The following RET variants were observed in gnomAD, a reference collection of about 807,000 sequenced individuals.
RET encodes the protein proto-oncogene tyrosine-protein kinase receptor Ret.
A neutral mutation model predicts 118.3 loss-of-function variants in RET; 19 were observed. That is an observed-to-expected ratio of 0.16 (90% CI 0.11 to 0.24). The LOEUF is 0.24. Ranked by LOEUF, RET falls within the 10% of genes least tolerant of loss-of-function variation. The probability of loss-of-function intolerance (pLI) is 1.00; values close to 1 mark genes in which losing one functional copy is unlikely to be tolerated. For missense variants in RET, 1,219 were observed against 1,502.1 expected (o/e 0.81, Z 3.12); for synonymous variants, 597 against 644.1 (o/e 0.93, Z 1.11).
At position 43,119,737 on chromosome 10, in the gene RET, G is replaced by A. The variant is rs758950128; in HGVS notation, c.2599G>A (p.Glu867Lys). The A allele has an allele frequency of 1.2e-6, 2 of 1,613,166 alleles. No homozygotes were observed. Among genetic ancestry groups the A allele is most frequent in the Non-Finnish European group, 1.7e-6 (2 of 1,179,934 alleles). ...CTCACAGGGGATGCAGTATCTGGCC[G>A]AGATGAAGGTGCGTGCATATGGCTC... ...QISQGMQYLA[E>K]MKLVHRDLAA... is the part of the protein sequence containing the mutation. Residue 867 changes from glutamate (E) to lysine (K), a missense_variant, in exon 14 of 20, where the codon GAG becomes AAG. By Grantham distance (56) the Glu-to-Lys change is moderately conservative (BLOSUM62 1). Coordinates refer to ENST00000355710, the MANE Select transcript of RET (RefSeq NM_020975.6).
At position 43,077,087 on chromosome 10, in the gene RET, G is replaced by A; in HGVS notation, c.-172G>A. ...TCGCTTCAGTCCCGCGACCGAAGCA[G>A]GGCGCGCAGCAGCGCTGAGTGCCCC... On this transcript the variant is annotated 5_prime_UTR_variant, in exon 1 of 20. Transcript: ENST00000355710. 1.0e-6 allele frequency: 1 copy of A among 970,898 alleles called. No homozygotes were observed. Among genetic ancestry groups the A allele is most frequent in the Non-Finnish European group, 1.3e-6 (1 of 752,222 alleles). 60.1% of individuals were successfully genotyped at this position (970,898 alleles called of 1,614,324 possible).
intron 1 of RET, among the ~76,000 whole-genome samples, chr10:43,081,264 C>CT (rs1564482503): frequency 6.6e-6 from 1 of 151,970 alleles, no homozygotes; most frequent in African/African-American, 2.4e-5. Context: ...GCTGTGCCCT[C>CT]TATCTCCCCA....
rs578049549 is a variant in RET at position 43,112,771 on chromosome 10, G to A, written c.1649-82G>A. The A allele has an allele frequency of 1.1e-5, 12 of 1,101,978 alleles. No individual in the cohort carries two copies. The Admixed American group carries it at 2.2e-4, about 21-fold the overall frequency. 68.3% of individuals were successfully genotyped at this position (1,101,978 alleles called of 1,614,324 possible). A position where few individuals can be genotyped will look rare whatever the true frequency, so the allele number is the denominator to read the frequency against. On this transcript the variant is annotated intron_variant, in intron 8 of 19. Coordinates refer to ENST00000355710, the MANE Select transcript of RET (RefSeq NM_020975.6). The stretch of plus-strand genomic sequence containing the variant: ...AGGCCTCCAGTTGCTCCTCCCTAGA[G>A]GGGCAGGATCTGCCTAGGAGGTGGT...
chr10:43,126,887 AG>A, intron 19 of RET, 165 bp downstream of exon 19: 1 of 1,447,380 alleles, frequency 6.9e-7, no homozygotes, highest in Non-Finnish European at 9.1e-7. Flanking sequence ...GTTTACATTT[AG>A]GCATTATTGC....
chr10:43,093,164 C>G (rs182612055), intron 1 of RET, among the ~76,000 whole-genome samples: 284 of 152,196 alleles, frequency 1.9e-3, no homozygotes, highest in Non-Finnish European at 3.3e-3. Flanking sequence ...GCCCTGGGAG[C>G]CCTGATGAGG....
In RET at chr10:43,106,225, A is replaced by C; in HGVS notation, c.868-151A>C. ...AGTGACCCCGTGGGAACTTGAACCC[A>C]GGTCAGACTGTCCCCAGACCTGGCT... On this transcript the variant is annotated intron_variant, in intron 4 of 19. Coordinates refer to ENST00000355710, the MANE Select transcript of RET (RefSeq NM_020975.6). The surrounding 1 kb of genome is among the most constrained non-coding windows in gnomAD (Gnocchi z 5.1). 5 of 818,218 alleles carry C rather than the reference A, an allele frequency of 6.1e-6. No individual in the cohort carries two copies. Among genetic ancestry groups the C allele is most frequent in the Non-Finnish European group, 1.0e-5 (5 of 497,068 alleles). 50.7% of individuals were successfully genotyped at this position (818,218 alleles called of 1,614,324 possible).
At chr10:43,112,660 G>A (rs1284870741) in intron 8 of RET, among the ~76,000 whole-genome samples, 193 bp from the exon 9 acceptor site, 4 of 152,190 alleles carry the variant, frequency 2.6e-5, no homozygotes, top group Non-Finnish European at 5.9e-5. Flanking sequence ...CCTGTGTGAG[G>A]AACCCCCCAT....
In RET at chr10:43,126,692, C is replaced by A. The variant is rs754066766; in HGVS notation, c.3157C>A (p.Pro1053Thr). Reference protein sequence around the residue: ...CNNAPLPRALPSTWIENKLYG... With the variant: ...CNNAPLPRALTSTWIENKLYG... ...TAATGCCCCCCTCCCTCGAGCCCTC[C>A]CTTCCACATGGATTGAAAACAAACT... The change falls in exon 19 of 20, where the codon CCT becomes ACT. Residue 1053 changes from proline (P) to threonine (T), a missense_variant. This residue lies in a region of RET where 174 missense variants were observed against 179.3 expected (regional missense o/e 0.97). Coordinates refer to ENST00000355710, the MANE Select transcript of RET (RefSeq NM_020975.6). The A allele has an allele frequency of 6.2e-7, 1 of 1,614,074 alleles. No individual in the cohort carries two copies. The highest frequency in any genetic ancestry group is 8.5e-7 in the Non-Finnish European group (1 of 1,180,012).
intron 8 of RET, 74 bp downstream of exon 8, chr10:43,112,298 C>G: frequency 6.9e-7 from 1 of 1,453,590 alleles, no homozygotes. Context: ...TGGGGCCCTG[C>G]CAGCCTGGGG....
rs1372369730 is a variant in RET, at chr10:43,106,952, C to T, written c.1063+381C>T. ...CCCAAGTGCTTACGGATTATTGCTC[C>T]AGCCTCAGCAGCTCTCTGCTAAACA... On this transcript the variant is annotated intron_variant, in intron 5 of 19. Transcript: ENST00000355710. This position sits in a 1 kb window ranked among gnomAD's most constrained non-coding sequence, Gnocchi z 5.1. Among the ~76,000 whole-genome samples the T allele has an allele frequency of 3.3e-5, 5 of 152,240 alleles. No homozygotes were observed. Among genetic ancestry groups the T allele is most frequent in the African/African-American group, 1.2e-4 (5 of 41,462 alleles).
rs376588907 is a variant in RET, at chr10:43,126,556, G to A, written c.3040-19G>A. ...TTGTGGCACATGGCTTGGAGTGACC[G>A]GCCATCTCTGTCTTCCAGGACTACT... is the stretch of plus-strand genomic sequence containing the variant. On this transcript the variant is annotated intron_variant, in intron 18 of 19. Coordinates refer to ENST00000355710, the MANE Select transcript of RET (RefSeq NM_020975.6). 4.4e-6 allele frequency: 7 copies of A among 1,608,618 alleles called. No homozygotes were observed. The highest frequency in any genetic ancestry group is 3.3e-5 in the Admixed American group (2 of 60,004).
At chr10:43,097,000 T>G (rs961173598) in intron 1 of RET, among the ~76,000 whole-genome samples, 1 of 152,188 alleles carries the variant, frequency 6.6e-6, no homozygotes, top group Admixed American at 6.5e-5. Flanking sequence ...TAAGTGCATT[T>G]AAGTCTGTTT....
chr10:43,078,776 G>C lies in RET; in HGVS notation c.73+1445G>C, dbSNP rs149372553. On this transcript the variant is annotated intron_variant, in intron 1 of 19. Transcript: ENST00000355710. Reference sequence around the variant, plus strand: ...TGTGGGGGCCAGGCTCTGGGGGCCGGCTTGTGGCACTCAGCAGGCATGCAG... The same window carrying C: ...TGTGGGGGCCAGGCTCTGGGGGCCGCCTTGTGGCACTCAGCAGGCATGCAG... Among the ~76,000 whole-genome samples, 1,280 of 152,338 alleles carry C rather than the reference G, an allele frequency of 8.4e-3. 11 individuals are homozygous for C. Among genetic ancestry groups the C allele is most frequent in the Non-Finnish European group, 0.012 (808 of 68,028 alleles).
chr10:43,099,228 G>T (rs1259703968), intron 1 of RET, among the ~76,000 whole-genome samples: 1 of 152,158 alleles, frequency 6.6e-6, no homozygotes, highest in Non-Finnish European at 1.5e-5. Context: ...TACATAGATA[G>T]GCCGGGCACG....
In RET at chr10:43,118,397, G is replaced by A. The variant is rs377767414; in HGVS notation, c.2309G>A (p.Arg770Gln). 2.5e-6 allele frequency: 4 copies of A among 1,614,096 alleles called. No individual in the cohort carries two copies. The highest frequency in any genetic ancestry group is 3.4e-6 in the Non-Finnish European group (4 of 1,179,986). ...LKENASPSEL[R>Q]DLLSEFNVLK... ...GAGAACGCCTCCCCGAGTGAGCTGC[G>A]AGACCTGCTGTCAGAGTTCAACGTC... Residue 770 changes from arginine to glutamine, a missense_variant, in exon 13 of 20, where the codon CGA becomes CAA. By Grantham distance (43) the Arg-to-Gln change is conservative. Transcript: ENST00000355710.
At chr10:43,083,181 G>A (rs904410532) in intron 1 of RET, among the ~76,000 whole-genome samples, 1 of 152,204 alleles carries the variant, frequency 6.6e-6, no homozygotes, top group African/African-American at 2.4e-5. Flanking sequence ...CTGGCTATGG[G>A]ACCCAGCACC....
In RET at chr10:43,112,208, G is replaced by A. The variant is rs1389283047; in HGVS notation, c.1632G>A (p.Arg544=). ...LGSPTGRCEW[R]QGDGKGITRN... ...CCCCAACAGGCAGGTGTGAGTGGAG[G>A]CAAGGAGATGGCAAAGGTAAGCCCT... The change falls in exon 8 of 20, where the codon AGG becomes AGA. Residue 544 remains arginine, a synonymous_variant. Coordinates refer to ENST00000355710, the MANE Select transcript of RET (RefSeq NM_020975.6). 6.4e-7 allele frequency: 1 copy of A among 1,556,216 alleles called. No individual in the cohort carries two copies. The highest frequency in any genetic ancestry group is 8.7e-7 in the Non-Finnish European group (1 of 1,149,342).
intron 16 of RET, among the ~76,000 whole-genome samples, chr10:43,122,840 C>T (rs1479554164): frequency 6.6e-6 from 1 of 152,138 alleles, no homozygotes; most frequent in Non-Finnish European, 1.5e-5. Flanking sequence ...TGAATCCTGA[C>T]CTCAAATGAT....
chr10:43,100,710 C>T lies in RET; in HGVS notation c.325C>T (p.Leu109Phe), dbSNP rs2132665198. ...RSLDHSSWEK[L>F]SVRNRGFPLL... Reference sequence around the variant, plus strand: ...CCTGGACCATAGCTCCTGGGAGAAGCTCAGTGTCCGCAGTAAGGGAGCCGC... The same window carrying T: ...CCTGGACCATAGCTCCTGGGAGAAGTTCAGTGTCCGCAGTAAGGGAGCCGC... The change falls in exon 2 of 20, where the codon CTC (leucine) becomes TTC (phenylalanine). Residue 109 changes from leucine (L) to phenylalanine (F), a missense_variant. Transcript: ENST00000355710. 1 of 1,601,626 alleles carries T rather than the reference C, an allele frequency of 6.2e-7. No individual in the cohort carries two copies. The highest frequency in any genetic ancestry group is 8.5e-7 in the Non-Finnish European group (1 of 1,174,480).
Sources: allele counts gnomAD v4.1 joint callset (sites outside exome capture counted in the v4.1 genomes callset), GRCh38; gene constraint gnomAD v4.1.1; regional missense constraint gnomAD v4.1.1; non-coding constraint Gnocchi (gnomAD v3.1); transcripts MANE v1.5; gene names NCBI Gene and HGNC (gene_info 2026-07-23, HGNC 2026-07-21).